TRAF3IP3: variants seen among roughly 807,000 people sequenced by gnomAD.
The protein encoded by TRAF3IP3 is TRAF3 interacting protein 3, also known as TRAF3-interacting JNK-activating modulator.
In TRAF3IP3, 64 loss-of-function variants were observed where a neutral mutation model predicts 86.5. That is an observed-to-expected ratio of 0.74 (90% CI 0.60 to 0.91). TRAF3IP3 has a LOEUF of 0.91. Among genes scored for constraint, TRAF3IP3 ranks in the 40% least tolerant of loss-of-function variants. TRAF3IP3 has a pLI of 0.00. For missense variants in TRAF3IP3, 579 were observed against 642.9 expected (o/e 0.90, Z 1.07); for synonymous variants, 220 against 243.9 (o/e 0.90, Z 0.91).
chr1:209,768,253 C>T, intron 8 of TRAF3IP3: 1 of 985,408 alleles, frequency 1.0e-6, no homozygotes, highest in East Asian at 1.1e-4. Flanking sequence ...TTACCACAAA[C>T]TCCCTATTAG....
rs951849491 is a variant in TRAF3IP3 at position 209,762,804 on chromosome 1, A to T, written c.494-9A>T. On this transcript the variant is annotated splice_polypyrimidine_tract_variant and intron_variant, in intron 4 of 16. Coordinates refer to ENST00000367025, the MANE Select transcript of TRAF3IP3 (RefSeq NM_025228.4). ...TAAGTTCTAAATCAACTTATCCTCCATCTCTCAGGTACTCAGACAAAGGCA... is the reference window on the plus strand; with the variant it reads ...TAAGTTCTAAATCAACTTATCCTCCTTCTCTCAGGTACTCAGACAAAGGCA... The T allele has an allele frequency of 6.5e-7, 1 of 1,534,714 alleles. No homozygotes were observed. Among genetic ancestry groups the T allele is most frequent in the Middle Eastern group, 1.7e-4 (1 of 5,820 alleles).
intron 13 of TRAF3IP3, 171 bp downstream of exon 13, chr1:209,778,344 A>C: frequency 1.8e-6 from 1 of 543,518 alleles, no homozygotes; most frequent in Non-Finnish European, 3.3e-6. Context: ...CTCTCCATAA[A>C]TTATGTGTTA....
chr1:209,770,919 AAGGTGTGCGTGTGCAGGTGG>A (rs1558019810), intron 8 of TRAF3IP3, among the ~76,000 whole-genome samples: 134 of 41,212 alleles, frequency 3.3e-3, no homozygotes, highest in Middle Eastern at 0.059. Context: ...TGTGCAGGTG[AAGGTGTGCGTGTGCAGGTGG>A]AGGTGTGCGT....
At position 209,763,710 on chromosome 1, in the gene TRAF3IP3, G is replaced by T. The variant is rs1423671937; in HGVS notation, c.702+123G>T. The T allele has an allele frequency of 7.5e-6, 6 of 798,566 alleles. No individual in the cohort carries two copies. The African/African-American group carries it at 1.1e-4, about 14-fold the overall frequency. The allele number at this position is 798,566 out of a possible 1,614,324, so 49.5% of individuals were successfully genotyped here. On this transcript the variant is annotated intron_variant, in intron 8 of 16. Coordinates refer to ENST00000367025, the MANE Select transcript of TRAF3IP3 (RefSeq NM_025228.4). ...TCACTACTGAAAAGTAAGCTGGGAA[G>T]AGGCAGGAGATGAGGGGGATGGTGC...
chr1:209,764,900 G>A (rs555905118), intron 8 of TRAF3IP3, among the ~76,000 whole-genome samples: 4 of 152,102 alleles, frequency 2.6e-5, no homozygotes, highest in African/African-American at 9.6e-5. Flanking sequence ...TTGGCCAGGT[G>A]CCGTGCATCA....
At chr1:209,770,399 G>A (rs1211842020) in intron 8 of TRAF3IP3, among the ~76,000 whole-genome samples, 1 of 151,468 alleles carries the variant, frequency 6.6e-6, no homozygotes, top group Admixed American at 6.6e-5. Flanking sequence ...GTGTGTGTGT[G>A]CAGGTGGAGG....
At position 209,773,004 on chromosome 1, in the gene TRAF3IP3, A is replaced by G. The variant is rs1208484572; in HGVS notation, c.759A>G (p.Leu253=). The change falls in exon 9 of 17, where the codon CTA becomes CTG. Residue 253 remains leucine (L), a synonymous_variant. Transcript: ENST00000367025. ...AACTGAGATCCTTAGAAAACCAGCT[A>G]TACACCTGTACCCAGGTAAGCATTC... ...KGKLRSLENQ[L]YTCTQKYSPW... The G allele has an allele frequency of 6.2e-7, 1 of 1,613,586 alleles. No homozygotes were observed.
In TRAF3IP3 at chr1:209,779,336, T is replaced by C; in HGVS notation, c.1274T>C (p.Leu425Ser). Residue 425 changes from leucine to serine, a missense_variant, in exon 14 of 17, where the codon TTA becomes TCA. Physicochemically the swap from Leu to Ser is moderately radical, Grantham distance 145. Transcript: ENST00000367025. Reference protein sequence around the residue: ...QLQGLLQNQSLQLQEQEKLLT... With the variant: ...QLQGLLQNQSSQLQEQEKLLT... ...ACAGGTTTGCTTCAAAATCAATCCT[T>C]ACAGCTTCAAGAACAGGAGAAACTC... 6 of 1,614,184 alleles carry C rather than the reference T, an allele frequency of 3.7e-6. No homozygotes were observed. Among genetic ancestry groups the C allele is most frequent in the South Asian group, 1.1e-5 (1 of 91,078 alleles).
chr1:209,756,717 G>A (rs986275457), intron 1 of TRAF3IP3, among the ~76,000 whole-genome samples: 8 of 152,356 alleles, frequency 5.3e-5, no homozygotes, highest in Middle Eastern at 3.4e-3. Context: ...CTCTGGGCCA[G>A]GAAGGCCAAC....
chr1:209,761,329 A>G (rs2077241165), intron 3 of TRAF3IP3, among the ~76,000 whole-genome samples: 1 of 152,218 alleles, frequency 6.6e-6, no homozygotes, highest in Admixed American at 6.5e-5. Context: ...AGGGCCCATT[A>G]GTCTGGCCTG....
Position 209,772,932 on chromosome 1 carries a change from A to G in TRAF3IP3, c.703-16A>G, listed in dbSNP as rs753207024. The G allele has an allele frequency of 1.2e-6, 2 of 1,613,100 alleles. No individual in the cohort carries two copies. Among genetic ancestry groups the G allele is most frequent in the Admixed American group, 1.7e-5 (1 of 59,868 alleles). ...GATTTTGCCCCAAGCTCATTAACTC[A>G]TCCCATTTGCTCCAGGGACAGCTTA... On this transcript the variant is annotated splice_polypyrimidine_tract_variant and intron_variant, in intron 8 of 16. Coordinates refer to ENST00000367025, the MANE Select transcript of TRAF3IP3 (RefSeq NM_025228.4).
chr1:209,769,907 T>C (rs775900920), intron 8 of TRAF3IP3, among the ~76,000 whole-genome samples: 4 of 152,114 alleles, frequency 2.6e-5, no homozygotes, highest in Admixed American at 6.6e-5. Flanking sequence ...CTTGCTCTCA[T>C]TGATGGCTCC....
chr1:209,781,816 A>G (rs1365838660), intron 16 of TRAF3IP3: 2 of 539,194 alleles, frequency 3.7e-6, no homozygotes, highest in Admixed American at 3.3e-5. Context: ...ACCCTTCATT[A>G]TTCATATCAG....
At position 209,760,322 on chromosome 1, in the gene TRAF3IP3, C is replaced by G. The variant is rs1232465375; in HGVS notation, c.283C>G (p.Gln95Glu). 2 of 1,613,878 alleles carry G rather than the reference C, an allele frequency of 1.2e-6. No homozygotes were observed. The highest frequency in any genetic ancestry group is 1.7e-6 in the Non-Finnish European group (2 of 1,179,888). ...REQGPSRRPGQVTVLKEPLSC... is the reference protein window; with the variant it reads ...REQGPSRRPGEVTVLKEPLSC... The stretch of plus-strand genomic sequence containing the variant: ...GCAAGGGCCCTCCAGGCGGCCAGGA[C>G]AGGTGACTGTCCTCAAGGAACCCTT... Residue 95 changes from glutamine to glutamate, a missense_variant, in exon 3 of 17, where the codon CAG (glutamine) becomes GAG (glutamate). Coordinates refer to ENST00000367025, the MANE Select transcript of TRAF3IP3 (RefSeq NM_025228.4).
At chr1:209,781,528 C>T (rs1469224365) in intron 16 of TRAF3IP3, 70 bp downstream of exon 16, 4 of 1,185,246 alleles carry the variant, frequency 3.4e-6, no homozygotes, top group African/African-American at 3.0e-5. Flanking sequence ...AAGTTTTGCA[C>T]ATAAAATATA....
intron 13 of TRAF3IP3, 158 bp from the exon 14 acceptor site, chr1:209,779,157 G>A (rs2077722768): frequency 1.3e-5 from 8 of 616,286 alleles, no homozygotes; most frequent in African/African-American, 3.7e-5. Flanking sequence ...TTAAGGTACT[G>A]AGGGTTAGGA....
chr1:209,770,839 A>T (rs2077474354), intron 8 of TRAF3IP3, among the ~76,000 whole-genome samples: 1 of 84,424 alleles, frequency 1.2e-5, no homozygotes, highest in Non-Finnish European at 2.4e-5. Context: ...GTCTATATAG[A>T]AGTGTGTGTG....
At position 209,765,213 on chromosome 1, in the gene TRAF3IP3, G is replaced by GA. The variant is rs1571921779; in HGVS notation, c.702+1626_702+1627insA. 1.6e-4 allele frequency among the ~76,000 whole-genome samples: 17 copies of GA among 105,208 alleles called. No individual in the cohort carries two copies. The East Asian group carries it at 2.0e-3, about 13-fold the overall frequency. 69.0% of individuals were successfully genotyped at this position (105,208 alleles called of 152,430 possible). ...AGAGAGAGAGAGAGAGAGAGAGAGA[G>GA]GGAGAGAGAGAGAGAGGAAGGAAGG... On this transcript the variant is annotated intron_variant, in intron 8 of 16. Coordinates refer to ENST00000367025, the MANE Select transcript of TRAF3IP3 (RefSeq NM_025228.4).
chr1:209,769,053 A>G (rs2077412425), intron 8 of TRAF3IP3, among the ~76,000 whole-genome samples: 1 of 152,234 alleles, frequency 6.6e-6, no homozygotes. Flanking sequence ...AAGAGGCAAA[A>G]TATTGGATTA....
Sources: gnomAD v4.1 joint callset for allele counts (sites outside exome capture counted in the v4.1 genomes callset) on GRCh38, gnomAD v4.1.1 for gene constraint, MANE v1.5 for transcripts, NCBI Gene and HGNC (gene_info 2026-07-23, HGNC 2026-07-21) for gene names.